XXYLT1: variants seen among roughly 807,000 people sequenced by gnomAD.
XXYLT1 encodes the protein UDP-xylose:alpha-xyloside alpha-1,3-xylosyltransferase.
XXYLT1 carries 20 observed loss-of-function variants against 28.9 expected under a neutral mutation model. That is an observed-to-expected ratio of 0.69 (90% CI 0.49 to 1.00). The LOEUF (loss-of-function observed/expected upper bound fraction) is 1.00, where lower values mean the gene tolerates loss of function less well. Ranked by LOEUF, XXYLT1 falls within the 50% of genes least tolerant of loss-of-function variation. XXYLT1 has a pLI of 0.00. For missense variants in XXYLT1, 542 were observed against 560.1 expected (o/e 0.97, Z 0.33); for synonymous variants, 257 against 253.8 (o/e 1.01, Z -0.12).
intron 2 of XXYLT1, among the ~76,000 whole-genome samples, chr3:195,186,699 C>A (rs1560141679): frequency 6.6e-6 from 1 of 152,026 alleles, no homozygotes; most frequent in Non-Finnish European, 1.5e-5. Context: ...TTCCCATTAT[C>A]TGCTTAATGT....
chr3:195,068,325 AAG>A lies in XXYLT1; in HGVS notation c.*1388_*1389del, dbSNP rs1254428966. ...ATTGGCTATCCTCACTCATGGGAAA[AAG>A]AAAAACGTAAATGAAATCAAAACAA... is the stretch of plus-strand genomic sequence containing the variant. On this transcript the variant is annotated 3_prime_UTR_variant, in exon 4 of 4. Coordinates refer to ENST00000310380, the MANE Select transcript of XXYLT1 (RefSeq NM_152531.5). 2 of 151,424 alleles carry A rather than the reference AAG, an allele frequency of 1.3e-5. No individual in the cohort carries two copies. Among genetic ancestry groups the A allele is most frequent in the Non-Finnish European group, 2.9e-5 (2 of 67,830 alleles). The allele number at this position is 151,424 out of a possible 1,614,324, so 9.4% of individuals were successfully genotyped here.
chr3:195,269,313 T>A lies in XXYLT1; in HGVS notation c.504+1242A>T, dbSNP rs552540494. Among the ~76,000 whole-genome samples, 86 of 152,318 alleles carry A rather than the reference T, an allele frequency of 5.6e-4. 1 individual carries two copies. The South Asian group carries it at 0.016, about 28-fold the overall frequency. Reference sequence around the variant, plus strand: ...TTCTCAAATATTAGGGTCATTAGGATCACCTGGGACAGGTTGCCAGGCTCC... The same window carrying A: ...TTCTCAAATATTAGGGTCATTAGGAACACCTGGGACAGGTTGCCAGGCTCC... On this transcript the variant is annotated intron_variant, in intron 1 of 3. Transcript: ENST00000310380.
intron 1 of XXYLT1, chr3:195,270,339 A>C (rs1725977924): frequency 5.3e-6 from 6 of 1,129,542 alleles, no homozygotes; most frequent in Non-Finnish European, 7.0e-6. Context: ...GTCATTAAAA[A>C]CGCAGCTCCA....
chr3:195,073,326 C>T (rs1038010724), intron 3 of XXYLT1, among the ~76,000 whole-genome samples: 1 of 152,212 alleles, frequency 6.6e-6, no homozygotes, highest in Non-Finnish European at 1.5e-5. Context: ...GTGAGTGTCC[C>T]AGACCCCTGC....
intron 3 of XXYLT1, among the ~76,000 whole-genome samples, chr3:195,088,016 A>C (rs1298271438): frequency 6.6e-6 from 1 of 151,878 alleles, no homozygotes. Flanking sequence ...TACATCCCGC[A>C]CCTGGCTCGG....
intron 3 of XXYLT1, among the ~76,000 whole-genome samples, chr3:195,135,777 A>G (rs1021475159): frequency 1.6e-4 from 24 of 152,146 alleles, no homozygotes; most frequent in African/African-American, 4.1e-4. Context: ...CTTTGCTGTC[A>G]CCTTAGATGG....
chr3:195,218,878 C>A lies in XXYLT1; in HGVS notation c.652+7831G>T, dbSNP rs141249209. ...GACACACGCACCCGTATGTTTATTG[C>A]GGCATTATTCACAATAGCAAAGACT... On this transcript the variant is annotated intron_variant, in intron 2 of 3. Coordinates refer to ENST00000310380, the MANE Select transcript of XXYLT1 (RefSeq NM_152531.5). Among the ~76,000 whole-genome samples, 1,119 of 151,252 alleles carry A rather than the reference C, an allele frequency of 7.4e-3. 18 individuals carry two copies. Among genetic ancestry groups the A allele is most frequent in the African/African-American group, 0.026 (1,084 of 41,082 alleles).
intron 2 of XXYLT1, among the ~76,000 whole-genome samples, chr3:195,179,417 G>A (rs577432143): frequency 1.3e-5 from 2 of 150,368 alleles, no homozygotes; most frequent in Admixed American, 1.3e-4. Context: ...AAAACACTCT[G>A]ACCCAATTCA....
intron 2 of XXYLT1, among the ~76,000 whole-genome samples, chr3:195,158,017 C>A (rs1056365696): frequency 3.3e-5 from 5 of 152,214 alleles, no homozygotes; most frequent in African/African-American, 1.2e-4. Flanking sequence ...CAGCACCACA[C>A]TGGCCAAATG....
At chr3:195,111,219 G>A (rs1399166831) in intron 3 of XXYLT1, among the ~76,000 whole-genome samples, 1 of 151,840 alleles carries the variant, frequency 6.6e-6, no homozygotes, top group Non-Finnish European at 1.5e-5. Flanking sequence ...TGTTCTCCCT[G>A]TGTGTGTGTG....
intron 1 of XXYLT1, among the ~76,000 whole-genome samples, chr3:195,227,147 C>T (rs555297500): frequency 4.6e-5 from 7 of 152,282 alleles, no homozygotes; most frequent in Non-Finnish European, 7.4e-5. Flanking sequence ...GAAATGGAAA[C>T]AGCCCCTAGT....
rs140345818 is a variant in XXYLT1, at chr3:195,255,084, C to A, written c.504+15471G>T. Among the ~76,000 whole-genome samples, 857 of 152,300 alleles carry A rather than the reference C, an allele frequency of 5.6e-3. 4 individuals carry two copies. Among genetic ancestry groups the A allele is most frequent in the South Asian group, 9.8e-3 (47 of 4,816 alleles). The stretch of plus-strand genomic sequence containing the variant: ...CAGGCTGGGAAATTCACCAGCACTG[C>A]GGACAGAGCAGGGGATAACAGCAGC... On this transcript the variant is annotated intron_variant, in intron 1 of 3. Transcript: ENST00000310380. This position sits in a 1 kb window ranked among gnomAD's most constrained non-coding sequence, Gnocchi z 4.5.
chr3:195,186,404 G>A (rs933082860), intron 2 of XXYLT1, among the ~76,000 whole-genome samples: 3 of 152,212 alleles, frequency 2.0e-5, no homozygotes, highest in African/African-American at 7.2e-5. Flanking sequence ...CCCTCGCACA[G>A]CTTTCAAGGC....
chr3:195,115,670 C>T lies in XXYLT1; in HGVS notation c.785+40779G>A, dbSNP rs545972958. 1.4e-3 allele frequency among the ~76,000 whole-genome samples: 209 copies of T among 152,322 alleles called. No individual in the cohort carries two copies. Among genetic ancestry groups the T allele is most frequent in the African/African-American group, 4.7e-3 (195 of 41,580 alleles). The stretch of plus-strand genomic sequence containing the variant: ...CCTTCATCTGGTGCGGAGCAGTAAC[C>T]CCCTCGTCTGGCTCCGGCAGCACAC... On this transcript the variant is annotated intron_variant, in intron 3 of 3. Transcript: ENST00000310380. This position sits in a 1 kb window ranked among gnomAD's most constrained non-coding sequence, Gnocchi z 4.2.
Position 195,171,307 on chromosome 3 carries a change from G to T in XXYLT1, c.653-14726C>A, listed in dbSNP as rs12491558. ...AGGTTCTGAACGGCCAAGCCCTGGGGTCTGTTACCAGCGTCCGCACACATC... is the reference window on the plus strand; with the variant it reads ...AGGTTCTGAACGGCCAAGCCCTGGGTTCTGTTACCAGCGTCCGCACACATC... On this transcript the variant is annotated intron_variant, in intron 2 of 3. Transcript: ENST00000310380. Among the ~76,000 whole-genome samples the T allele has an allele frequency of 1.8e-3, 274 of 152,326 alleles. 6 individuals carry two copies. The highest frequency in any genetic ancestry group is 0.015 in the Admixed American group (232 of 15,302).
At chr3:195,201,778 G>C (rs1300370762) in intron 2 of XXYLT1, among the ~76,000 whole-genome samples, 4 of 152,182 alleles carry the variant, frequency 2.6e-5, no homozygotes, top group Non-Finnish European at 5.9e-5. Context: ...CTGAGGCCTA[G>C]AAGGTCCCAA....
chr3:195,226,500 C>T (rs189968521), intron 2 of XXYLT1, among the ~76,000 whole-genome samples: 4 of 152,138 alleles, frequency 2.6e-5, no homozygotes, highest in African/African-American at 9.6e-5. Context: ...CATAAATGGA[C>T]CCCGGGAGCT....
chr3:195,224,567 T>C (rs1483570478), intron 2 of XXYLT1, among the ~76,000 whole-genome samples: 1 of 152,206 alleles, frequency 6.6e-6, no homozygotes, highest in Non-Finnish European at 1.5e-5. Context: ...TTCTCTTCCC[T>C]GACAAACCAC....
chr3:195,263,532 C>T (rs968254455), intron 1 of XXYLT1, among the ~76,000 whole-genome samples: 9 of 152,180 alleles, frequency 5.9e-5, no homozygotes, highest in South Asian at 2.1e-4. Flanking sequence ...TAAAGCCAGG[C>T]GCCCCTCACG....
Sources: gnomAD v4.1 joint callset for allele counts (sites outside exome capture counted in the v4.1 genomes callset) on GRCh38, gnomAD v4.1.1 for gene constraint, Gnocchi (gnomAD v3.1) non-coding constraint, MANE v1.5 for transcripts, NCBI Gene and HGNC (gene_info 2026-07-23, HGNC 2026-07-21) for gene names.